KDM6A: variants seen among roughly 807,000 people sequenced by gnomAD.
KDM6A encodes the protein lysine demethylase 6A.
KDM6A carries 11 observed loss-of-function variants against 117.6 expected under a neutral mutation model. The observed-to-expected ratio is 0.09, with a 90% CI of 0.06 to 0.15. The LOEUF is 0.15. Among genes scored for constraint, KDM6A ranks in the 10% least tolerant of loss-of-function variants. KDM6A has a pLI of 1.00. For missense variants in KDM6A, 799 were observed against 1,077.3 expected, an observed-to-expected ratio of 0.74 and a Z score of 3.62; for synonymous variants, 384 against 396.1, an observed-to-expected ratio of 0.97 and a Z score of 0.36.
intron 18 of KDM6A, among the ~76,000 whole-genome samples, chrX:45,074,177 A>T (rs1273796646): frequency 9.0e-6 from 1 of 111,443 alleles, no homozygotes; most frequent in African/African-American, 3.3e-5. Flanking sequence ...CAAAGATCAG[A>T]TGATTGTAGA....
At chrX:45,047,670 TTTTC>T (rs1433992605) in intron 8 of KDM6A, among the ~76,000 whole-genome samples, 10 of 78,495 alleles carry the variant, frequency 1.3e-4, no homozygotes, top group African/African-American at 2.1e-4. Context: ...CTTGCTTTTT[TTTTC>T]TTTTTTTTTT....
At chrX:44,993,011 T>C (rs993913292) in intron 4 of KDM6A, among the ~76,000 whole-genome samples, 2 of 112,246 alleles carry the variant, frequency 1.8e-5, no homozygotes, top group Non-Finnish European at 3.8e-5. Flanking sequence ...TTTCAGTAGA[T>C]AAGTCACTTA....
At chrX:44,888,613 T>C (rs2033091737) in intron 2 of KDM6A, among the ~76,000 whole-genome samples, 2 of 112,281 alleles carry the variant, frequency 1.8e-5, no homozygotes, top group East Asian at 5.6e-4. Context: ...CATAATGAAA[T>C]TGAGATTTGT....
At chrX:45,011,206 T>G (rs2041742083) in intron 5 of KDM6A, among the ~76,000 whole-genome samples, 187 bp downstream of exon 5, 1 of 111,597 alleles carries the variant, frequency 9.0e-6, no homozygotes, top group Non-Finnish European at 1.9e-5. Flanking sequence ...TCACCTTAGA[T>G]TTTTAGAGTT....
intron 4 of KDM6A, among the ~76,000 whole-genome samples, chrX:44,975,892 A>G (rs866752071): frequency 8.9e-6 from 1 of 112,073 alleles, no homozygotes; most frequent in Middle Eastern, 4.7e-3. Flanking sequence ...CACTGGGGGA[A>G]TGGGGTGGAG....
At chrX:44,887,809 A>G (rs1448683047) in intron 2 of KDM6A, among the ~76,000 whole-genome samples, 1 of 111,089 alleles carries the variant, frequency 9.0e-6, no homozygotes, top group Non-Finnish European at 1.9e-5. Flanking sequence ...TCAGGACCAG[A>G]CTGAGCAATA....
chrX:44,977,507 T>C (rs2039673215), intron 4 of KDM6A, among the ~76,000 whole-genome samples: 1 of 111,570 alleles, frequency 9.0e-6, no homozygotes, highest in Non-Finnish European at 1.9e-5. Flanking sequence ...CAAGTAATTC[T>C]CCCACCTCGG....
At chrX:44,956,610 C>T (rs2038342969) in intron 2 of KDM6A, among the ~76,000 whole-genome samples, 1 of 110,857 alleles carries the variant, frequency 9.0e-6, no homozygotes, top group African/African-American at 3.3e-5. Context: ...CGCTATGTTG[C>T]CTGGGCTGGT....
At chrX:44,912,850 T>A (rs1428539128) in intron 2 of KDM6A, among the ~76,000 whole-genome samples, 1 of 112,429 alleles carries the variant, frequency 8.9e-6, no homozygotes, top group African/African-American at 3.2e-5. Context: ...TGTAACATTT[T>A]TACCATCTAC....
At chrX:45,072,293 C>T (rs759958646) in intron 18 of KDM6A, among the ~76,000 whole-genome samples, 1 of 111,366 alleles carries the variant, frequency 9.0e-6, no homozygotes, top group African/African-American at 3.3e-5. Context: ...TCTTAACTGT[C>T]TTACAAGATT....
intron 6 of KDM6A, among the ~76,000 whole-genome samples, chrX:45,026,889 A>G (rs2147718273): frequency 9.1e-6 from 1 of 109,955 alleles, no homozygotes; most frequent in South Asian, 3.8e-4. Context: ...TAACTTGCTG[A>G]GTTTGAATGC....
chrX:45,076,561 T>C lies in KDM6A; in HGVS notation c.2859-136T>C. 4 of 469,641 alleles carry C rather than the reference T, an allele frequency of 8.5e-6. No homozygotes were observed. In the South Asian group the frequency reaches 1.4e-4, roughly 16 times the overall value. 38.7% of individuals were successfully genotyped at this position (469,641 alleles called of 1,213,427 possible). A position where few individuals can be genotyped will look rare whatever the true frequency, so the allele number is the denominator to read the frequency against. ...TAATCATTCTTAGTGTTTTTCCTGATGGATCCACATCCCACATCTCATGGA... is the reference window on the plus strand; with the variant it reads ...TAATCATTCTTAGTGTTTTTCCTGACGGATCCACATCCCACATCTCATGGA... On this transcript the variant is annotated intron_variant, in intron 18 of 29. Coordinates refer to ENST00000611820, the MANE Select transcript of KDM6A (RefSeq NM_001291415.2).
chrX:44,873,435 A>C lies in KDM6A; in HGVS notation c.-117A>C, dbSNP rs1346682327. ...TTTTCGTCGCCGCCGCCCGCGGCGG[A>C]GGAGGAGGCGGCGATAAAGTTGGTG... On this transcript the variant is annotated 5_prime_UTR_variant, in exon 1 of 30. Transcript: ENST00000611820. 4 of 1,007,546 alleles carry C rather than the reference A, an allele frequency of 4.0e-6. No homozygotes were observed. Among genetic ancestry groups the C allele is most frequent in the South Asian group, 2.1e-5 (1 of 48,097 alleles). 83.0% of individuals were successfully genotyped at this position (1,007,546 alleles called of 1,213,427 possible).
At chrX:44,994,218 C>T (rs2040757445) in intron 4 of KDM6A, among the ~76,000 whole-genome samples, 1 of 112,040 alleles carries the variant, frequency 8.9e-6, no homozygotes, top group African/African-American at 3.2e-5. Flanking sequence ...AAACTTCGTA[C>T]CCTTTGAATA....
chrX:44,925,789 TTC>T (rs2036267600), intron 2 of KDM6A, among the ~76,000 whole-genome samples: 1 of 111,949 alleles, frequency 8.9e-6, no homozygotes, highest in Non-Finnish European at 1.9e-5. Context: ...CATTCTGGCT[TTC>T]CACCTACATT....
intron 2 of KDM6A, among the ~76,000 whole-genome samples, chrX:44,896,958 T>C (rs979737490): frequency 9.0e-5 from 10 of 110,927 alleles, no homozygotes; most frequent in African/African-American, 2.6e-4. Context: ...GGTGTGGGTG[T>C]CTTTTTTATT....
chrX:45,097,634 G>A (rs2046167361), intron 27 of KDM6A, among the ~76,000 whole-genome samples: 3 of 111,435 alleles, frequency 2.7e-5, no homozygotes, highest in Admixed American at 9.5e-5. Flanking sequence ...TTAATAATGG[G>A]AAATGGTGTT....
chrX:44,920,231 G>C (rs1329570393), intron 2 of KDM6A, among the ~76,000 whole-genome samples: 1 of 110,838 alleles, frequency 9.0e-6, no homozygotes, highest in Non-Finnish European at 1.9e-5. Context: ...TGTGCTGTCA[G>C]TTTTTGCTTA....
In KDM6A at chrX:44,885,192, A is replaced by AT. The variant is rs368044228; in HGVS notation, c.225+11220dup. On this transcript the variant is annotated intron_variant, in intron 2 of 29. Coordinates refer to ENST00000611820, the MANE Select transcript of KDM6A (RefSeq NM_001291415.2). ...AGGCATGTGCCAGCACGTGCAGCTAATTTTTTTTTTTTTTTGTAGAGATGA... is the reference window on the plus strand; with the variant it reads ...AGGCATGTGCCAGCACGTGCAGCTAATTTTTTTTTTTTTTTTGTAGAGATGA... Among the ~76,000 whole-genome samples the AT allele has an allele frequency of 7.1e-3, 706 of 100,123 alleles. 6 individuals carry two copies. Among genetic ancestry groups the AT allele is most frequent in the African/African-American group, 0.02 (554 of 27,476 alleles). 86.9% of individuals were successfully genotyped at this position (100,123 alleles called of 115,157 possible). A position where few individuals can be genotyped will look rare whatever the true frequency, so the allele number is the denominator to read the frequency against.
Sources: gnomAD v4.1 joint callset for allele counts (sites outside exome capture counted in the v4.1 genomes callset) on GRCh38, gnomAD v4.1.1 for gene constraint, MANE v1.5 for transcripts, NCBI Gene and HGNC (gene_info 2026-07-23, HGNC 2026-07-21) for gene names.